Variants in GALNT18 observed in about 807,000 individuals in gnomAD.
GALNT18 encodes the protein GalNAc-transferase 18.
A neutral mutation model predicts 69.5 loss-of-function variants in GALNT18; 44 were observed. The observed-to-expected ratio is 0.63, with a 90% CI of 0.50 to 0.81. GALNT18 has a LOEUF of 0.81. GALNT18 is among the 40% of genes least tolerant of loss of function. The probability of loss-of-function intolerance (pLI) is 0.00; values close to 1 mark genes in which losing one functional copy is unlikely to be tolerated. For synonymous variants in GALNT18, 364 were observed against 318.2 expected (o/e 1.14, Z -1.53); for missense variants, 715 against 810.0 (o/e 0.88, Z 1.42).
In GALNT18 at chr11:11,496,738, C is replaced by T. The variant is rs1355180366; in HGVS notation, c.236-47802G>A. On this transcript the variant is annotated intron_variant, in intron 1 of 10. Coordinates refer to ENST00000227756, the MANE Select transcript of GALNT18 (RefSeq NM_198516.3). The surrounding 1 kb of genome is among the most constrained non-coding windows in gnomAD (Gnocchi z 4.0). Reference sequence around the variant, plus strand: ...AGGATCCCCCACTACTCTGAATCCACCCACCTGGCTGCTTCTGCTATCCCC... The same window carrying T: ...AGGATCCCCCACTACTCTGAATCCATCCACCTGGCTGCTTCTGCTATCCCC... 1.3e-5 allele frequency among the ~76,000 whole-genome samples: 2 copies of T among 152,142 alleles called. No homozygotes were observed. The highest frequency in any genetic ancestry group is 2.4e-5 in the African/African-American group (1 of 41,414).
chr11:11,352,813 C>A (rs760028962), intron 6 of GALNT18: 1 of 1,614,150 alleles, frequency 6.2e-7, no homozygotes, highest in African/African-American at 1.3e-5. Flanking sequence ...GACACAGGGT[C>A]TTTTACAATG....
Position 11,540,569 on chromosome 11 carries a change from G to T in GALNT18, c.235+80790C>A, listed in dbSNP as rs749698224. 2.1e-4 allele frequency among the ~76,000 whole-genome samples: 32 copies of T among 152,278 alleles called. 2 individuals are homozygous for T. The highest frequency in any genetic ancestry group is 1.9e-3 in the Admixed American group (29 of 15,304). On this transcript the variant is annotated intron_variant, in intron 1 of 10. Coordinates refer to ENST00000227756, the MANE Select transcript of GALNT18 (RefSeq NM_198516.3). This position sits in a 1 kb window ranked among gnomAD's most constrained non-coding sequence, Gnocchi z 4.6. Reference sequence around the variant, plus strand: ...CTGCACTGAGGGGCTCCCAGAATTAGAGCACCCTTTGACCCTGAAAACTGA... The same window carrying T: ...CTGCACTGAGGGGCTCCCAGAATTATAGCACCCTTTGACCCTGAAAACTGA...
At chr11:11,515,981 G>A (rs542826287) in intron 1 of GALNT18, among the ~76,000 whole-genome samples, 1 of 152,334 alleles carries the variant, frequency 6.6e-6, no homozygotes, top group East Asian at 1.9e-4. Context: ...TCACCTGCAG[G>A]ATAAGTGACA....
chr11:11,421,398 C>A lies in GALNT18; in HGVS notation c.595+11223G>T. On this transcript the variant is annotated intron_variant, in intron 3 of 10. Transcript: ENST00000227756. This position sits in a 1 kb window ranked among gnomAD's most constrained non-coding sequence, Gnocchi z 5.6. ...GGAGCTTATCGGTGGGAAGTCCCAG[C>A]CCCCATGATGTAGGAAGCCAGGTGG... 6.6e-6 allele frequency among the ~76,000 whole-genome samples: 1 copy of A among 152,078 alleles called. No individual in the cohort carries two copies. Among genetic ancestry groups the A allele is most frequent in the East Asian group, 1.9e-4 (1 of 5,180 alleles).
At chr11:11,473,059 C>A (rs371205460) in intron 1 of GALNT18, among the ~76,000 whole-genome samples, 16 of 152,248 alleles carry the variant, frequency 1.1e-4, no homozygotes, top group African/African-American at 3.8e-4. Context: ...ACAGCACCCA[C>A]CTCACTCTGC....
intron 1 of GALNT18, among the ~76,000 whole-genome samples, chr11:11,490,892 A>G (rs1381956984): frequency 6.6e-6 from 1 of 152,200 alleles, no homozygotes; most frequent in Non-Finnish European, 1.5e-5. Context: ...GGATAATGCA[A>G]CCTAAATGCA....
In GALNT18 at chr11:11,592,787, A is replaced by G. The variant is rs766692235; in HGVS notation, c.235+28572T>C. Among the ~76,000 whole-genome samples, 13 of 152,202 alleles carry G rather than the reference A, an allele frequency of 8.5e-5. No homozygotes were observed. The highest frequency in any genetic ancestry group is 1.8e-4 in the Non-Finnish European group (12 of 68,036). ...ACTGAAAATTTTTTGACATATCTTC[A>G]AAGTATAAAGAGAAGGCAAGATATT... On this transcript the variant is annotated intron_variant, in intron 1 of 10. Transcript: ENST00000227756. This position sits in a 1 kb window ranked among gnomAD's most constrained non-coding sequence, Gnocchi z 5.9.
chr11:11,336,608 T>C (rs1052055607), intron 7 of GALNT18, among the ~76,000 whole-genome samples: 1 of 152,144 alleles, frequency 6.6e-6, no homozygotes, highest in African/African-American at 2.4e-5. Context: ...AAGGTTAAAT[T>C]GGGAACAGAT....
chr11:11,279,979 G>A (rs557390922), intron 10 of GALNT18, among the ~76,000 whole-genome samples: 1 of 152,278 alleles, frequency 6.6e-6, no homozygotes, highest in East Asian at 1.9e-4. Flanking sequence ...CTGAGAAGCA[G>A]GGGGTGCGGG....
intron 10 of GALNT18, among the ~76,000 whole-genome samples, chr11:11,280,984 G>A (rs1849060395): frequency 6.6e-6 from 1 of 152,210 alleles, no homozygotes; most frequent in African/African-American, 2.4e-5. Context: ...GTAAAACCCT[G>A]TGGCCTGGGC....
At chr11:11,508,138 A>T (rs937928596) in intron 1 of GALNT18, among the ~76,000 whole-genome samples, 2 of 151,936 alleles carry the variant, frequency 1.3e-5, no homozygotes, top group African/African-American at 4.8e-5. Flanking sequence ...CTCTTTGTTC[A>T]TTTTCTGATT....
At chr11:11,472,051 T>C (rs74594227) in intron 1 of GALNT18, among the ~76,000 whole-genome samples, 1,586 of 152,320 alleles carry the variant, frequency 0.01, 28 homozygotes, top group African/African-American at 0.036. Flanking sequence ...TAGGGATTGC[T>C]TGCAAGATAA....
At chr11:11,384,854 T>A (rs530970229) in intron 3 of GALNT18, among the ~76,000 whole-genome samples, 5 of 152,192 alleles carry the variant, frequency 3.3e-5, no homozygotes, top group Non-Finnish European at 7.3e-5. Flanking sequence ...ACAACCCTTA[T>A]GGAATATCCA....
Position 11,614,720 on chromosome 11 carries a change from TA to T in GALNT18, c.235+6638del, listed in dbSNP as rs1860004730. ...CATAGGCCAGCCTAACCCAAGTGAC[TA>T]AAGCTGAACTTCAAGGCCCTCATAA... On this transcript the variant is annotated intron_variant, in intron 1 of 10. Coordinates refer to ENST00000227756, the MANE Select transcript of GALNT18 (RefSeq NM_198516.3). The surrounding 1 kb of genome is among the most constrained non-coding windows in gnomAD (Gnocchi z 5.6). Among the ~76,000 whole-genome samples, 1 of 152,224 alleles carries T rather than the reference TA, an allele frequency of 6.6e-6. No individual in the cohort carries two copies. Among genetic ancestry groups the T allele is most frequent in the African/African-American group, 2.4e-5 (1 of 41,470 alleles).
chr11:11,585,922 C>A lies in GALNT18; in HGVS notation c.235+35437G>T, dbSNP rs148876802. On this transcript the variant is annotated intron_variant, in intron 1 of 10. Coordinates refer to ENST00000227756, the MANE Select transcript of GALNT18 (RefSeq NM_198516.3). ...AAAATCCTAACCCAGGGAGGTGGGG[C>A]CTTCGGGAGGTGATTTGGTCATGAG... Among the ~76,000 whole-genome samples the A allele has an allele frequency of 5.3e-3, 796 of 150,492 alleles. 7 individuals carry two copies. Among genetic ancestry groups the A allele is most frequent in the Non-Finnish European group, 8.9e-3 (605 of 67,884 alleles).
chr11:11,545,394 T>C (rs749684044), intron 1 of GALNT18, among the ~76,000 whole-genome samples: 16 of 152,236 alleles, frequency 1.1e-4, no homozygotes, highest in Non-Finnish European at 1.6e-4. Context: ...TCCCATGGGC[T>C]CTGGGTCACC....
intron 1 of GALNT18, among the ~76,000 whole-genome samples, chr11:11,481,404 A>C (rs1272889132): frequency 6.6e-6 from 1 of 152,200 alleles, no homozygotes; most frequent in East Asian, 1.9e-4. Flanking sequence ...GTAAGGGGGA[A>C]ACATGAGACA....
In GALNT18 at chr11:11,436,074, C is replaced by T. The variant is rs1252566913; in HGVS notation, c.429-3287G>A. Among the ~76,000 whole-genome samples, 5 of 152,218 alleles carry T rather than the reference C, an allele frequency of 3.3e-5. No homozygotes were observed. The highest frequency in any genetic ancestry group is 1.9e-4 in the East Asian group (1 of 5,192). ...CCACACCTGACCTAATGTGGCCCTG[C>T]GTGAGCAGAGAGGCGAGGGGTGGGC... On this transcript the variant is annotated intron_variant, in intron 2 of 10. Transcript: ENST00000227756. The surrounding 1 kb of genome is among the most constrained non-coding windows in gnomAD (Gnocchi z 4.5).
At chr11:11,403,840 C>T (rs555219363) in intron 3 of GALNT18, among the ~76,000 whole-genome samples, 3 of 152,318 alleles carry the variant, frequency 2.0e-5, no homozygotes, top group Non-Finnish European at 4.4e-5. Context: ...ACACAGTGCT[C>T]CGTGATGCTG....
Sources: gnomAD v4.1 joint callset for allele counts (sites outside exome capture counted in the v4.1 genomes callset) on GRCh38, gnomAD v4.1.1 for gene constraint, Gnocchi (gnomAD v3.1) non-coding constraint, MANE v1.5 for transcripts, NCBI Gene and HGNC (gene_info 2026-07-23, HGNC 2026-07-21) for gene names.